The following SGCZ variants were observed in gnomAD, a reference collection of about 807,000 sequenced individuals.
The protein encoded by SGCZ is sarcoglycan zeta.
SGCZ carries 40 observed loss-of-function variants against 41.3 expected under a neutral mutation model. The ratio of observed to expected loss-of-function variants is 0.97; its 90% CI spans 0.75 to 1.26. The LOEUF (loss-of-function observed/expected upper bound fraction) is 1.26, where lower values mean the gene tolerates loss of function less well. Ranked by LOEUF, SGCZ falls within the 50% of genes most tolerant of loss-of-function variation. The probability of loss-of-function intolerance (pLI) is 0.00; values close to 1 mark genes in which losing one functional copy is unlikely to be tolerated. For synonymous variants in SGCZ, 206 were observed against 137.5 expected (o/e 1.50, Z -3.49); for missense variants, 552 against 369.8 (o/e 1.49, Z -4.04).
chr8:15,206,393 G>A (rs565830054), intron 1 of SGCZ, among the ~76,000 whole-genome samples: 6 of 151,844 alleles, frequency 4.0e-5, no homozygotes, highest in African/African-American at 1.4e-4. Context: ...CTGCAGCAGA[G>A]GGTCATTTTA....
rs192994762 is a variant in SGCZ at position 15,170,450 on chromosome 8, C to T, written c.39+67135G>A. ...ATGGATAAATGGACAACTTTCCACC[C>T]CTGCTTAGAGACCAGCTTTCCACCT... On this transcript the variant is annotated intron_variant, in intron 1 of 7. Coordinates refer to ENST00000382080, the MANE Select transcript of SGCZ (RefSeq NM_139167.4). Among the ~76,000 whole-genome samples, 11 of 152,276 alleles carry T rather than the reference C, an allele frequency of 7.2e-5. 1 individual carries two copies. Among genetic ancestry groups the T allele is most frequent in the Admixed American group, 5.9e-4 (9 of 15,304 alleles).
At chr8:14,220,765 C>T (rs577761827) in intron 4 of SGCZ, among the ~76,000 whole-genome samples, 3 of 143,026 alleles carry the variant, frequency 2.1e-5, no homozygotes, top group South Asian at 2.3e-4. Context: ...CCAGCCTGGG[C>T]GACAGAGGGA....
intron 1 of SGCZ, among the ~76,000 whole-genome samples, chr8:15,144,556 G>T (rs757255207): frequency 1.3e-5 from 2 of 151,966 alleles, no homozygotes; most frequent in Non-Finnish European, 2.9e-5. Flanking sequence ...CCACCTCCCG[G>T]GTTCAAGCGA....
chr8:14,183,011 C>CA lies in SGCZ; in HGVS notation c.425-18310dup, dbSNP rs34038057. Among the ~76,000 whole-genome samples the CA allele has an allele frequency of 1.2e-3, 101 of 83,750 alleles. 1 individual carries two copies. The highest frequency in any genetic ancestry group is 3.8e-3 in the African/African-American group (87 of 22,896). The allele number at this position is 83,750 out of a possible 152,430, so 54.9% of individuals were successfully genotyped here. On this transcript the variant is annotated intron_variant, in intron 4 of 7. Coordinates refer to ENST00000382080, the MANE Select transcript of SGCZ (RefSeq NM_139167.4). Reference sequence around the variant, plus strand: ...GGCAACAAAGAGCAAAACTCCGTCTCAAAAAAAAAAAAAAAAAAAATTACT... The same window carrying CA: ...GGCAACAAAGAGCAAAACTCCGTCTCAAAAAAAAAAAAAAAAAAAAATTACT...
chr8:14,295,416 A>G (rs1800974491), intron 3 of SGCZ, among the ~76,000 whole-genome samples: 1 of 152,164 alleles, frequency 6.6e-6, no homozygotes. Context: ...AAGTAATGGT[A>G]CATCAATGTC....
chr8:14,239,901 CAAAAAAAAAAAAAAAAAAA>C (rs71209029), intron 3 of SGCZ, among the ~76,000 whole-genome samples: 1 of 41,364 alleles, frequency 2.4e-5, no homozygotes, highest in African/African-American at 2.3e-4. Flanking sequence ...GACTCCGTCT[CAAAAAAAAAAAAAAAAAAA>C]AAAAAAAAAA....
At chr8:14,144,214 C>A (rs1021385103) in intron 5 of SGCZ, among the ~76,000 whole-genome samples, 2 of 152,160 alleles carry the variant, frequency 1.3e-5, no homozygotes, top group African/African-American at 4.8e-5. Flanking sequence ...CAACTCATGG[C>A]TCCAAATGAG....
intron 2 of SGCZ, among the ~76,000 whole-genome samples, chr8:14,461,030 A>C (rs1800887288): frequency 6.6e-6 from 1 of 152,022 alleles, no homozygotes; most frequent in South Asian, 2.1e-4. Context: ...ATCCCATAGC[A>C]CTTGGAGAAA....
At chr8:14,707,484 C>G (rs866446217) in intron 1 of SGCZ, among the ~76,000 whole-genome samples, 1 of 152,120 alleles carries the variant, frequency 6.6e-6, no homozygotes, top group Admixed American at 6.5e-5. Context: ...GCTCCAACTA[C>G]TGCTCAGGAA....
At chr8:14,555,714 G>T (rs1804015209) in intron 1 of SGCZ, among the ~76,000 whole-genome samples, 1 of 151,948 alleles carries the variant, frequency 6.6e-6, no homozygotes, top group Admixed American at 6.6e-5. Context: ...TCTACCACAA[G>T]GATTTTCTGT....
intron 1 of SGCZ, among the ~76,000 whole-genome samples, chr8:14,911,016 T>G (rs1465754211): frequency 6.6e-6 from 1 of 152,072 alleles, no homozygotes; most frequent in Non-Finnish European, 1.5e-5. Flanking sequence ...ATACACATCC[T>G]TACTTTGAGT....
At chr8:14,310,821 G>C (rs1381417707) in intron 3 of SGCZ, among the ~76,000 whole-genome samples, 1 of 152,052 alleles carries the variant, frequency 6.6e-6, no homozygotes, top group Non-Finnish European at 1.5e-5. Context: ...GGGAAATATG[G>C]TGGTAATAGA....
chr8:14,257,843 G>C lies in SGCZ; in HGVS notation c.337-20164C>G, dbSNP rs569983949. Among the ~76,000 whole-genome samples the C allele has an allele frequency of 5.7e-4, 86 of 152,208 alleles. 1 individual carries two copies. The highest frequency in any genetic ancestry group is 1.9e-3 in the African/African-American group (80 of 41,544). On this transcript the variant is annotated intron_variant, in intron 3 of 7. Coordinates refer to ENST00000382080, the MANE Select transcript of SGCZ (RefSeq NM_139167.4). ...ACATAACAAATTTCTTTGGCAATTT[G>C]TGTTAAGAAGAGCTTTGTTTCTTTT...
rs934991645 is a variant in SGCZ, at chr8:14,220,057, G to T, written c.424+17535C>A. Among the ~76,000 whole-genome samples the T allele has an allele frequency of 3.9e-5, 6 of 152,082 alleles. No homozygotes were observed. The East Asian group carries it at 1.2e-3, about 29-fold the overall frequency. On this transcript the variant is annotated intron_variant, in intron 4 of 7. Transcript: ENST00000382080. Reference sequence around the variant, plus strand: ...TAGTTATAGTGACTTAACATTGACGGTCCAAAAATGCAATTACTATTGCAT... The same window carrying T: ...TAGTTATAGTGACTTAACATTGACGTTCCAAAAATGCAATTACTATTGCAT...
At chr8:14,803,460 G>C (rs910154008) in intron 1 of SGCZ, among the ~76,000 whole-genome samples, 2 of 152,116 alleles carry the variant, frequency 1.3e-5, no homozygotes, top group Non-Finnish European at 2.9e-5. Context: ...TCAAAGAAAG[G>C]GGTGACAGAC....
chr8:14,191,319 G>A (rs75906284), intron 4 of SGCZ, among the ~76,000 whole-genome samples: 3,732 of 151,994 alleles, frequency 0.025, 160 homozygotes, highest in African/African-American at 0.084. Context: ...TTCCTTTGCT[G>A]TGTTGAAAGT....
At chr8:14,855,767 G>A (rs960512450) in intron 1 of SGCZ, among the ~76,000 whole-genome samples, 2 of 152,146 alleles carry the variant, frequency 1.3e-5, no homozygotes, top group Non-Finnish European at 2.9e-5. Flanking sequence ...AACATGCCCG[G>A]TAACATAATA....
At chr8:14,601,684 T>C (rs1805593817) in intron 1 of SGCZ, among the ~76,000 whole-genome samples, 1 of 152,200 alleles carries the variant, frequency 6.6e-6, no homozygotes. Context: ...GTTTTTCTTT[T>C]CCTCAATGTG....
intron 1 of SGCZ, among the ~76,000 whole-genome samples, chr8:14,661,129 A>G (rs1807734505): frequency 1.3e-5 from 2 of 152,164 alleles, no homozygotes; most frequent in Non-Finnish European, 2.9e-5. Flanking sequence ...TGGAAACATC[A>G]TACATAAGCT....
Sources: allele counts gnomAD v4.1 joint callset (sites outside exome capture counted in the v4.1 genomes callset), GRCh38; gene constraint gnomAD v4.1.1; transcripts MANE v1.5; gene names NCBI Gene and HGNC (gene_info 2026-07-23, HGNC 2026-07-21).